Variants in PLEKHA7 observed in about 807,000 individuals in gnomAD.
PLEKHA7 encodes the protein pleckstrin homology domain-containing family A member 7.
PLEKHA7 carries 104 observed loss-of-function variants against 170.0 expected under a neutral mutation model. The ratio of observed to expected loss-of-function variants is 0.61; its 90% CI spans 0.52 to 0.72. The LOEUF (loss-of-function observed/expected upper bound fraction) is 0.72. PLEKHA7 is among the 30% of genes least tolerant of loss of function. The probability of loss-of-function intolerance (pLI) is 0.00; values close to 1 mark genes in which losing one functional copy is unlikely to be tolerated. For missense variants in PLEKHA7, 1,615 were observed against 1,671.7 expected (o/e 0.97, Z 0.59); for synonymous variants, 648 against 660.8 (o/e 0.98, Z 0.30).
At chr11:16,937,887 T>C in intron 3 of PLEKHA7, among the ~76,000 whole-genome samples, 1 of 152,138 alleles carries the variant, frequency 6.6e-6, no homozygotes, top group African/African-American at 2.4e-5. Flanking sequence ...GGATTACAGG[T>C]GTGAGCCACA....
At chr11:16,946,122 C>T (rs576416838) in intron 3 of PLEKHA7, among the ~76,000 whole-genome samples, 8 of 152,316 alleles carry the variant, frequency 5.3e-5, no homozygotes, top group South Asian at 2.1e-4. Context: ...CCTGCTGTGG[C>T]GCCACCCATG....
At chr11:16,947,608 G>C (rs996930237) in intron 3 of PLEKHA7, among the ~76,000 whole-genome samples, 4 of 146,922 alleles carry the variant, frequency 2.7e-5, no homozygotes, top group Non-Finnish European at 6.0e-5. Flanking sequence ...AAAAAAGAAA[G>C]AAAGAAAGAA....
chr11:16,795,245 G>A (rs2134284205), intron 17 of PLEKHA7: 1 of 526,128 alleles, frequency 1.9e-6, no homozygotes. Flanking sequence ...CAGCAGTCCA[G>A]CTTGCCTACC....
chr11:16,830,421 C>T (rs1851021049), intron 9 of PLEKHA7, among the ~76,000 whole-genome samples: 1 of 152,224 alleles, frequency 6.6e-6, no homozygotes, highest in Admixed American at 6.5e-5. Context: ...ATCTTGCATG[C>T]TGCTTTGGTT....
intron 3 of PLEKHA7, among the ~76,000 whole-genome samples, chr11:16,882,067 C>T (rs1855755305): frequency 6.6e-6 from 1 of 152,188 alleles, no homozygotes; most frequent in Non-Finnish European, 1.5e-5. Context: ...GTGCAGGTGA[C>T]ACTTGAATAT....
At chr11:17,007,400 G>T (rs557294704) in intron 3 of PLEKHA7, among the ~76,000 whole-genome samples, 1 of 151,870 alleles carries the variant, frequency 6.6e-6, no homozygotes, top group African/African-American at 2.4e-5. Flanking sequence ...TTGGCTCACC[G>T]CAACCTTCAC....
intron 16 of PLEKHA7, 101 bp from the exon 17 acceptor site, chr11:16,801,176 A>G: frequency 9.8e-7 from 1 of 1,017,060 alleles, no homozygotes; most frequent in Non-Finnish European, 1.5e-6. Context: ...CAGCCAGGGG[A>G]AGAGGGAAGG....
At chr11:16,983,308 G>A (rs181051379) in intron 3 of PLEKHA7, among the ~76,000 whole-genome samples, 136 of 152,336 alleles carry the variant, frequency 8.9e-4, no homozygotes, top group African/African-American at 3.1e-3. Context: ...CAAAGTCATT[G>A]AGCAGAAGCA....
At chr11:16,859,138 C>G (rs1293469387) in intron 4 of PLEKHA7, among the ~76,000 whole-genome samples, 1 of 152,200 alleles carries the variant, frequency 6.6e-6, no homozygotes, top group Non-Finnish European at 1.5e-5. Flanking sequence ...ACCAAGGCCC[C>G]CCATGAGCAG....
chr11:16,918,289 G>C (rs778941888), intron 3 of PLEKHA7, among the ~76,000 whole-genome samples: 3 of 152,158 alleles, frequency 2.0e-5, no homozygotes, highest in Non-Finnish European at 4.4e-5. Flanking sequence ...GCAGGCTACA[G>C]CAACAACCTA....
At chr11:16,795,224 A>C (rs1324439698) in intron 17 of PLEKHA7, 1 of 556,642 alleles carries the variant, frequency 1.8e-6, no homozygotes, top group African/African-American at 1.9e-5. Context: ...GAGAAATTTC[A>C]GAGTAGCTTT....
At chr11:16,961,154 T>C (rs973104786) in intron 3 of PLEKHA7, among the ~76,000 whole-genome samples, 1 of 152,140 alleles carries the variant, frequency 6.6e-6, no homozygotes, top group Non-Finnish European at 1.5e-5. Flanking sequence ...TTTAGAAAAA[T>C]CGGGTCATTC....
At chr11:16,782,118 GACACACATACAC>G (rs980079792) in intron 26 of PLEKHA7, among the ~76,000 whole-genome samples, 5 of 150,474 alleles carry the variant, frequency 3.3e-5, no homozygotes, top group Admixed American at 3.3e-4. Context: ...CAGACACACA[GACACACATACAC>G]ACACACATAG....
chr11:16,781,082 G>A, intron 26 of PLEKHA7: 1 of 898,444 alleles, frequency 1.1e-6, no homozygotes, highest in Non-Finnish European at 1.3e-6. Flanking sequence ...ATTAAGCGGT[G>A]TGTTAGACTC....
chr11:16,793,784 A>G (rs1848021414), intron 19 of PLEKHA7, among the ~76,000 whole-genome samples: 1 of 152,240 alleles, frequency 6.6e-6, no homozygotes, highest in African/African-American at 2.4e-5. Context: ...TATGCCAGGC[A>G]AACCAAGGTG....
chr11:16,981,061 CTGAGG>C (rs1205743858), intron 3 of PLEKHA7, among the ~76,000 whole-genome samples: 27 of 152,152 alleles, frequency 1.8e-4, no homozygotes, highest in Non-Finnish European at 3.1e-4. Context: ...TGGGGACTCA[CTGAGG>C]CTGTCTAGGA....
chr11:16,821,640 A>C (rs552751664), intron 10 of PLEKHA7, among the ~76,000 whole-genome samples: 104 of 152,322 alleles, frequency 6.8e-4, no homozygotes, highest in African/African-American at 2.4e-3. Flanking sequence ...TATATTTTCA[A>C]ATGGAAAATG....
chr11:16,798,911 A>G (rs540709829), intron 17 of PLEKHA7, among the ~76,000 whole-genome samples: 1 of 152,254 alleles, frequency 6.6e-6, no homozygotes, highest in Non-Finnish European at 1.5e-5. Context: ...TGCTATCAGA[A>G]GAGGAATGGC....
chr11:17,012,092 A>G (rs1356302332), intron 3 of PLEKHA7, among the ~76,000 whole-genome samples: 1 of 152,184 alleles, frequency 6.6e-6, no homozygotes, highest in Non-Finnish European at 1.5e-5. Flanking sequence ...GGAAGAGGGC[A>G]ACAGCCTCAG....
Sources: allele counts gnomAD v4.1 joint callset (sites outside exome capture counted in the v4.1 genomes callset), GRCh38; gene constraint gnomAD v4.1.1; transcripts MANE v1.5; gene names NCBI Gene and HGNC (gene_info 2026-07-23, HGNC 2026-07-21).